Variants in IL1R1 observed in about 807,000 individuals in gnomAD.
IL1R1 encodes interleukin 1 receptor type 1.
In IL1R1, 22 loss-of-function variants were observed where a neutral mutation model predicts 50.2. The ratio of observed to expected loss-of-function variants is 0.44; its 90% confidence interval spans 0.31 to 0.63. The LOEUF (loss-of-function observed/expected upper bound fraction) is 0.63. IL1R1 is among the 20% of genes least tolerant of loss of function. IL1R1 has a pLI of 0.07. For synonymous variants in IL1R1, 251 were observed against 236.7 expected (o/e 1.06, Z -0.55); for missense variants, 509 against 676.2 (o/e 0.75, Z 2.74).
chr2:102,138,319 A>G (rs184313109), upstream of IL1R1, among the ~76,000 whole-genome samples: 1 of 152,354 alleles, frequency 6.6e-6, no homozygotes, highest in African/African-American at 2.4e-5. Flanking sequence ...CAGGTGCAAG[A>G]AGCCTCTTTC....
chr2:102,152,504 C>CAAAAAAAAAAA (rs70946674), intron 1 of IL1R1, among the ~76,000 whole-genome samples: 5 of 29,686 alleles, frequency 1.7e-4, no homozygotes, highest in Non-Finnish European at 2.3e-4. Flanking sequence ...GACTCCGTCT[C>CAAAAAAAAAAA]AAAAAAAAAA....
chr2:102,073,847 A>G (rs1373853028), intron 1 of IL1R1, among the ~76,000 whole-genome samples: 1 of 152,156 alleles, frequency 6.6e-6, no homozygotes, highest in East Asian at 1.9e-4. Flanking sequence ...TTAAAAAAAA[A>G]TCTCCCTTTA....
rs757259095 is a variant in IL1R1, at chr2:102,175,653, T to C, written c.1303+8T>C. 6.0e-5 allele frequency: 96 copies of C among 1,612,606 alleles called. No homozygotes were observed. Among genetic ancestry groups the C allele is most frequent in the Non-Finnish European group, 8.1e-5 (95 of 1,178,740 alleles). ...ATGACTACGTTGGGGAAGGTATGTG[T>C]GTAATGGAACAGAGTAAAGGCTTAT... is the stretch of plus-strand genomic sequence containing the variant. On this transcript the variant is annotated splice_region_variant and intron_variant, in intron 11 of 11. Transcript: ENST00000410023.
intron 1 of IL1R1, among the ~76,000 whole-genome samples, chr2:102,123,257 G>A (rs1379704032): frequency 6.6e-6 from 1 of 152,166 alleles, no homozygotes; most frequent in Non-Finnish European, 1.5e-5. Context: ...TTTATTATCT[G>A]TGAAATTGTG....
At chr2:102,110,380 T>G (rs1400331906) in intron 1 of IL1R1, among the ~76,000 whole-genome samples, 1 of 152,024 alleles carries the variant, frequency 6.6e-6, no homozygotes, top group Non-Finnish European at 1.5e-5. Context: ...AATTGTGGGG[T>G]CAGAGGCTGT....
intron 1 of IL1R1, among the ~76,000 whole-genome samples, chr2:102,110,666 G>A (rs2104364789): frequency 6.6e-6 from 1 of 151,788 alleles, no homozygotes; most frequent in South Asian, 2.1e-4. Context: ...CAGTCTGACA[G>A]GTACTTTGTT....
chr2:102,167,741 C>G (rs1578024874), intron 6 of IL1R1, among the ~76,000 whole-genome samples: 1 of 152,024 alleles, frequency 6.6e-6, no homozygotes. Context: ...AGCCACCGCG[C>G]CCGGCCAGGT....
rs1478797876 is a variant in IL1R1, at chr2:102,142,807, G to A, written c.-297G>A. ...GGCGGCCGGAGCCGACTCGGAGCGC[G>A]CGGCGCCGGCCGGGAGGAGCCGGAG... On this transcript the variant is annotated 5_prime_UTR_variant, in exon 1 of 12. Transcript: ENST00000410023. 2.7e-5 allele frequency: 4 copies of A among 147,750 alleles called. No individual in the cohort carries two copies. Among genetic ancestry groups the A allele is most frequent in the African/African-American group, 7.3e-5 (3 of 40,940 alleles). The allele number at this position is 147,750 out of a possible 1,614,324, so 9.2% of individuals were successfully genotyped here. A position where few individuals can be genotyped will look rare whatever the true frequency, so the allele number is the denominator to read the frequency against.
intron 1 of IL1R1, among the ~76,000 whole-genome samples, chr2:102,072,844 C>A (rs1678791881): frequency 6.6e-6 from 1 of 151,950 alleles, no homozygotes; most frequent in South Asian, 2.1e-4. Flanking sequence ...TTTCCTTTAC[C>A]ATTTCCGAGT....
chr2:102,167,526 C>A (rs1233980799), intron 6 of IL1R1, among the ~76,000 whole-genome samples: 1 of 140,176 alleles, frequency 7.1e-6, no homozygotes, highest in Non-Finnish European at 1.5e-5. Context: ...CCGCTCACTG[C>A]AAGCTCTGCC....
chr2:102,081,238 A>C (rs2104288778), intron 1 of IL1R1, among the ~76,000 whole-genome samples: 1 of 152,338 alleles, frequency 6.6e-6, no homozygotes, highest in South Asian at 2.1e-4. Context: ...TAAAATTCTC[A>C]TTAAAATAAG....
In IL1R1 at chr2:102,157,236, AG is replaced by A. The variant is rs368694676; in HGVS notation, c.-6-481del. ...CTATATCCTATTGTACAAGCAATTT[AG>A]GATCTTGCAATATAAAATGAAGGCA... On this transcript the variant is annotated intron_variant, in intron 2 of 11. Transcript: ENST00000410023. 9.9e-5 allele frequency among the ~76,000 whole-genome samples: 15 copies of A among 152,266 alleles called. 1 individual carries two copies. In the East Asian group the frequency reaches 2.9e-3, roughly 29 times the overall value.
At chr2:102,121,450 C>T (rs774315309) in intron 1 of IL1R1, among the ~76,000 whole-genome samples, 6 of 152,196 alleles carry the variant, frequency 3.9e-5, no homozygotes, top group Non-Finnish European at 7.3e-5. Context: ...TCCACCAGCC[C>T]GGTGACTCAG....
intron 1 of IL1R1, among the ~76,000 whole-genome samples, chr2:102,148,003 G>A (rs1683306225): frequency 1.3e-5 from 2 of 152,206 alleles, no homozygotes; most frequent in African/African-American, 4.8e-5. Context: ...CAGGCTTGGT[G>A]TTTCCTGGGC....
At chr2:102,092,357 T>A (rs1006282356) in intron 1 of IL1R1, among the ~76,000 whole-genome samples, 1 of 152,162 alleles carries the variant, frequency 6.6e-6, no homozygotes, top group Admixed American at 6.5e-5. Flanking sequence ...GTCGTTTTCT[T>A]AGCTCTTTGA....
chr2:102,083,176 G>T (rs1679289797), intron 1 of IL1R1, among the ~76,000 whole-genome samples: 1 of 152,154 alleles, frequency 6.6e-6, no homozygotes, highest in Non-Finnish European at 1.5e-5. Flanking sequence ...CTCTAAGAAG[G>T]TCTAGGGCCA....
At chr2:102,095,813 G>A (rs1024841594) in intron 1 of IL1R1, among the ~76,000 whole-genome samples, 1 of 152,094 alleles carries the variant, frequency 6.6e-6, no homozygotes, top group Non-Finnish European at 1.5e-5. Flanking sequence ...GACCATCCTG[G>A]CCAACATGGT....
chr2:102,161,406 A>C lies in IL1R1; in HGVS notation c.62-3368A>C, dbSNP rs951957419. Reference sequence around the variant, plus strand: ...CACTTTAAAAAGAATGTAATGTTCTACTGTTGTTGGTTGGAATTTTCTGCA... The same window carrying C: ...CACTTTAAAAAGAATGTAATGTTCTCCTGTTGTTGGTTGGAATTTTCTGCA... On this transcript the variant is annotated intron_variant, in intron 3 of 11. Transcript: ENST00000410023. Among the ~76,000 whole-genome samples the C allele has an allele frequency of 2.0e-5, 3 of 152,274 alleles. No individual in the cohort carries two copies. The Middle Eastern group carries it at 0.01, about 518-fold the overall frequency.
intron 1 of IL1R1, among the ~76,000 whole-genome samples, chr2:102,108,981 T>G (rs1577863508): frequency 8.5e-6 from 1 of 117,334 alleles, no homozygotes; most frequent in East Asian, 2.8e-4. Context: ...ATAATAATAA[T>G]AATAATAAAA....
Sources: allele counts gnomAD v4.1 joint callset (sites outside exome capture counted in the v4.1 genomes callset), GRCh38; gene constraint gnomAD v4.1.1; transcripts MANE v1.5; gene names NCBI Gene and HGNC (gene_info 2026-07-23, HGNC 2026-07-21).